Variants in UNC80 observed in about 807,000 individuals in gnomAD.
The protein encoded by UNC80 is unc-80 subunit of NALCN channel complex, also known as protein unc-80 homolog.
A neutral mutation model predicts 384.6 loss-of-function variants in UNC80; 164 were observed. The ratio of observed to expected loss-of-function variants is 0.43; its 90% CI spans 0.38 to 0.49. The LOEUF is 0.49. UNC80 is among the 20% of genes least tolerant of loss of function. The probability of loss-of-function intolerance (pLI) is 0.00; values close to 1 mark genes in which losing one functional copy is unlikely to be tolerated. For synonymous variants in UNC80, 1,486 were observed against 1,527.8 expected (o/e 0.97, Z 0.64); for missense variants, 3,330 against 4,143.0 (o/e 0.80, Z 5.39).
At chr2:209,922,567 G>C (rs1173128628) in intron 35 of UNC80, among the ~76,000 whole-genome samples, 184 bp downstream of exon 35, 1 of 152,104 alleles carries the variant, frequency 6.6e-6, no homozygotes, top group Non-Finnish European at 1.5e-5. Context: ...CTCAGCAATT[G>C]TTATTTTTAA....
At chr2:209,961,379 G>A (rs1451271410) in intron 51 of UNC80, 2 of 152,098 alleles carry the variant, frequency 1.3e-5, no homozygotes, top group Non-Finnish European at 2.9e-5. Context: ...AGATTATCAC[G>A]GTTCAATGCA....
chr2:209,949,739 A>G (rs1023949865), intron 47 of UNC80, among the ~76,000 whole-genome samples: 1 of 152,066 alleles, frequency 6.6e-6, no homozygotes, highest in Non-Finnish European at 1.5e-5. Flanking sequence ...TGGCCTTCCA[A>G]AGTGCTGGGA....
intron 22 of UNC80, among the ~76,000 whole-genome samples, chr2:209,864,380 G>A (rs942795181): frequency 1.3e-5 from 2 of 152,132 alleles, no homozygotes; most frequent in African/African-American, 2.4e-5. Flanking sequence ...TTGGTGGAGG[G>A]GGTGTGCCTT....
Position 209,995,917 on chromosome 2 carries a change from T to C in UNC80, c.*322T>C. 5.1e-6 allele frequency: 1 copy of C among 197,970 alleles called. No homozygotes were observed. The allele number at this position is 197,970 out of a possible 1,614,324, so 12.3% of individuals were successfully genotyped here. On this transcript the variant is annotated 3_prime_UTR_variant, in exon 65 of 65. Coordinates refer to ENST00000673920, the MANE Select transcript of UNC80 (RefSeq NM_001371986.1). ...TATATACTATTCATTGCTGCTTTCA[T>C]AGAAATATTAACAAATGATATGATC...
rs542804467 is a variant in UNC80, at chr2:209,839,465, T to A, written c.3250+35T>A. On this transcript the variant is annotated intron_variant, in intron 19 of 64. Coordinates refer to ENST00000673920, the MANE Select transcript of UNC80 (RefSeq NM_001371986.1). The surrounding 1 kb of genome is among the most constrained non-coding windows in gnomAD (Gnocchi z 4.1). ...TGTCTGTATTTGTTTATGGATTATC[T>A]TATTACCAACCATGTCCTCAGATCA... is the stretch of plus-strand genomic sequence containing the variant. The A allele has an allele frequency of 6.5e-7, 1 of 1,549,710 alleles. No individual in the cohort carries two copies. The highest frequency in any genetic ancestry group is 8.7e-7 in the Non-Finnish European group (1 of 1,145,226).
At chr2:209,930,036 C>A in intron 37 of UNC80, 65 bp downstream of exon 37, 1 of 1,171,050 alleles carries the variant, frequency 8.5e-7, no homozygotes, top group Non-Finnish European at 1.2e-6. Context: ...TAAAATCATG[C>A]AAAGAACTTT....
In UNC80 at chr2:209,976,583, C is replaced by T. The variant is rs2093019747; in HGVS notation, c.8772+280C>T. ...CACTCTACCCACCCAAAAGATTGGT[C>T]CAGTGGAATAGTTTGGAGAATCTTC... On this transcript the variant is annotated intron_variant, in intron 57 of 64. Coordinates refer to ENST00000673920, the MANE Select transcript of UNC80 (RefSeq NM_001371986.1). The surrounding 1 kb of genome is among the most constrained non-coding windows in gnomAD (Gnocchi z 4.3). 6.6e-6 allele frequency among the ~76,000 whole-genome samples: 1 copy of T among 152,092 alleles called. No individual in the cohort carries two copies.
At chr2:209,845,929 C>T (rs2082133332) in intron 21 of UNC80, among the ~76,000 whole-genome samples, 1 of 151,534 alleles carries the variant, frequency 6.6e-6, no homozygotes, top group Admixed American at 6.6e-5. Flanking sequence ...CTGATTCCTT[C>T]CTTTCTTTCC....
In UNC80 at chr2:209,926,954, A is replaced by T. The variant is rs2090480896; in HGVS notation, c.5774A>T (p.Glu1925Val). ...AAVLPIVHLM[E>V]DGEVREDGVA... ...GTACTTCCCATTGTTCATCTGATGG[A>T]GGATGGTGAGGTGCGGGAAGATGGA... is the stretch of plus-strand genomic sequence containing the variant. Residue 1925 changes from glutamate to valine, a missense_variant, in exon 36 of 65, where the codon GAG (glutamate) becomes GTG (valine). Coordinates refer to ENST00000673920, the MANE Select transcript of UNC80 (RefSeq NM_001371986.1). 1 of 1,551,944 alleles carries T rather than the reference A, an allele frequency of 6.4e-7. No homozygotes were observed. The highest frequency in any genetic ancestry group is 2.0e-5 in the Admixed American group (1 of 50,970).
At chr2:209,831,770 T>G (rs2080986911) in intron 16 of UNC80, among the ~76,000 whole-genome samples, 179 bp downstream of exon 16, 1 of 152,162 alleles carries the variant, frequency 6.6e-6, no homozygotes, top group Non-Finnish European at 1.5e-5. Flanking sequence ...ACACTTTTCT[T>G]CTCCTTGTTA....
In UNC80 at chr2:209,877,990, G is replaced by C. The variant is rs187089611; in HGVS notation, c.3877G>C (p.Glu1293Gln). The C allele has an allele frequency of 2.1e-4, 328 of 1,542,392 alleles. 2 individuals carry two copies. In the Middle Eastern group the frequency reaches 0.015, roughly 70 times the overall value. Reference protein sequence around the residue: ...GVRLNELCHGESESPANLLGL... With the variant: ...GVRLNELCHGQSESPANLLGL... ...CCGATTGAATGAGCTGTGCCACGGGGAAAGTGAGAGCCCAGCCAACCTGCT... is the reference window on the plus strand; with the variant it reads ...CCGATTGAATGAGCTGTGCCACGGGCAAAGTGAGAGCCCAGCCAACCTGCT... Residue 1293 changes from glutamate to glutamine, a missense_variant, in exon 24 of 65, where the codon GAA (glutamate) becomes CAA (glutamine). Physicochemically the swap from Glu to Gln is conservative, Grantham distance 29. Coordinates refer to ENST00000673920, the MANE Select transcript of UNC80 (RefSeq NM_001371986.1).
At chr2:209,924,098 T>G (rs1189638400) in intron 35 of UNC80, among the ~76,000 whole-genome samples, 1 of 152,138 alleles carries the variant, frequency 6.6e-6, no homozygotes, top group Non-Finnish European at 1.5e-5. Context: ...AAGTCCAACA[T>G]TTAAGCTTCC....
chr2:209,921,474 A>G lies in UNC80; in HGVS notation c.5344-26A>G, dbSNP rs1317380794. ...GACCTTGCAGAAGAATTGCTATTAA[A>G]TGAACTTGCCTTTATGTCTCCACAG... On this transcript the variant is annotated intron_variant, in intron 33 of 64. Transcript: ENST00000673920. 3.3e-6 allele frequency: 5 copies of G among 1,528,352 alleles called. No individual in the cohort carries two copies. In the Admixed American group the frequency reaches 1.1e-4, roughly 33 times the overall value. 94.7% of individuals were successfully genotyped at this position (1,528,352 alleles called of 1,614,324 possible).
chr2:209,943,464 C>A lies in UNC80; in HGVS notation c.7000C>A (p.Pro2334Thr), dbSNP rs2124981640. 1 of 1,552,002 alleles carries A rather than the reference C, an allele frequency of 6.4e-7. No homozygotes were observed. The highest frequency in any genetic ancestry group is 8.7e-7 in the Non-Finnish European group (1 of 1,147,016). The change falls in exon 45 of 65, where the codon CCC (proline) becomes ACC (threonine). Residue 2334 changes from proline (P) to threonine (T), a missense_variant. This residue lies in a region of UNC80 where 1,049 missense variants were observed against 1,488.6 expected (regional missense o/e 0.70). Transcript: ENST00000673920. ...CCAGTTCTATATTCTACACCGGAAG[C>A]CCTTTGTGCTCCAGCTGTTTGCTAG... ...CHQFYILHRKPFVLQLFASVA... is the reference protein window; with the variant it reads ...CHQFYILHRKTFVLQLFASVA...
chr2:209,967,277 G>A (rs1220543867), intron 51 of UNC80, among the ~76,000 whole-genome samples, 160 bp from the exon 52 acceptor site: 1 of 152,110 alleles, frequency 6.6e-6, no homozygotes, highest in Non-Finnish European at 1.5e-5. Flanking sequence ...GTTCTGATGT[G>A]TGGGAGAGCA....
chr2:209,832,607 G>A (rs1231666593), intron 16 of UNC80, among the ~76,000 whole-genome samples: 1 of 152,162 alleles, frequency 6.6e-6, no homozygotes, highest in African/African-American at 2.4e-5. Context: ...AACTAAAGGA[G>A]TTGAACTTTG....
At chr2:209,865,495 G>A (rs542121368) in intron 22 of UNC80, among the ~76,000 whole-genome samples, 1 of 151,714 alleles carries the variant, frequency 6.6e-6, no homozygotes, top group South Asian at 2.1e-4. Context: ...CCAGCTCCTC[G>A]GGAGGCTGAG....
chr2:209,953,008 T>C (rs2124992753), intron 47 of UNC80, among the ~76,000 whole-genome samples: 1 of 152,280 alleles, frequency 6.6e-6, no homozygotes, highest in East Asian at 1.9e-4. Context: ...TTGGTATCTG[T>C]AAGAAAAAGA....
intron 29 of UNC80, among the ~76,000 whole-genome samples, chr2:209,906,761 A>C (rs1225643899): frequency 1.3e-5 from 2 of 152,206 alleles, no homozygotes; most frequent in East Asian, 1.9e-4. Flanking sequence ...GCATACATGT[A>C]TATGTATATA....
Sources: allele counts gnomAD v4.1 joint callset (sites outside exome capture counted in the v4.1 genomes callset), GRCh38; gene constraint gnomAD v4.1.1; regional missense constraint gnomAD v4.1.1; non-coding constraint Gnocchi (gnomAD v3.1); transcripts MANE v1.5; gene names NCBI Gene and HGNC (gene_info 2026-07-23, HGNC 2026-07-21).